The following TTN variants were observed in gnomAD, a reference collection of about 807,000 sequenced individuals.
The protein encoded by TTN is titin.
Under a neutral mutation model 3,223.0 loss-of-function variants are expected in TTN, and 1,525 were observed. That is an observed-to-expected ratio of 0.47 (90% CI 0.45 to 0.49). The LOEUF (loss-of-function observed/expected upper bound fraction) is 0.49, where lower values mean the gene tolerates loss of function less well. Ranked by LOEUF, TTN falls within the 20% of genes least tolerant of loss-of-function variation. The pLI is 0.00. For synonymous variants in TTN, 14,094 were observed against 15,161.0 expected, an observed-to-expected ratio of 0.93 and a Z score of 5.17; for missense variants, 40,786 against 43,424.0, an observed-to-expected ratio of 0.94 and a Z score of 5.40.
intron 278 of TTN, among the ~76,000 whole-genome samples, chr2:178,606,797 C>T (rs1232392203): frequency 6.6e-6 from 1 of 151,874 alleles, no homozygotes; most frequent in East Asian, 1.9e-4. Flanking sequence ...TTTTTCAGTA[C>T]AAGAAACCAT....
Position 178,563,952 on chromosome 2 carries a change from G to A in TTN, c.82180C>T (p.Pro27394Ser). ...ATATTAGCACCACCATCTTGCAAAG[G>A]TGGGTTCCATGCCAGGTAACATTTT... ...AEKCYLAWNP[P>S]LQDGGANISH... is the part of the protein sequence containing the mutation. Residue 27394 changes from proline (P) to serine (S), a missense_variant, in exon 326 of 363, where the codon CCT becomes TCT. Physicochemically the swap from Pro to Ser is moderately conservative, Grantham distance 74. Coordinates refer to ENST00000589042, the MANE Select transcript of TTN (RefSeq NM_001267550.2). This position sits in a 1 kb window ranked among gnomAD's most constrained non-coding sequence, Gnocchi z 4.5. 2 of 1,613,668 alleles carry A rather than the reference G, an allele frequency of 1.2e-6. No individual in the cohort carries two copies. Among genetic ancestry groups the A allele is most frequent in the African/African-American group, 1.3e-5 (1 of 75,000 alleles).
At position 178,795,760 on chromosome 2, in the gene TTN, T is replaced by C. The variant is rs1456455474; in HGVS notation, c.915-508A>G. ...CCCCTGCAGGACTTCCCACAGCCTT[T>C]ACTATGTCAGTATGCCTTGTGAATT... is the stretch of plus-strand genomic sequence containing the variant. On this transcript the variant is annotated intron_variant, in intron 6 of 362. Transcript: ENST00000589042. 2.6e-5 allele frequency among the ~76,000 whole-genome samples: 4 copies of C among 152,300 alleles called. No homozygotes were observed. In the East Asian group the frequency reaches 7.7e-4, roughly 29 times the overall value.
chr2:178,607,196 T>G lies in TTN; in HGVS notation c.53406A>C (p.Glu17802Asp). ...AAGTATGCATCTTGGCATCTTTTCT[T>G]TCAATGATAAAGCCTGTTATTTCAC... ...GGSEITGFII[E>D]RKDAKMHTWR... Residue 17802 changes from glutamate to aspartate, a missense_variant, in exon 278 of 363, where the codon GAA becomes GAC. Physicochemically the swap from Glu to Asp is conservative, Grantham distance 45 (BLOSUM62 2). Transcript: ENST00000589042. The G allele has an allele frequency of 6.2e-7, 1 of 1,613,036 alleles. No homozygotes were observed. Among genetic ancestry groups the G allele is most frequent in the African/African-American group, 1.3e-5 (1 of 74,976 alleles).
At position 178,568,073 on chromosome 2, in the gene TTN, C is replaced by T; in HGVS notation, c.78059G>A (p.Ser26020Asn). ...QWHEPVNNGGSPVIGYHLERK... is the reference protein window; with the variant it reads ...QWHEPVNNGGNPVIGYHLERK... ...CTCCAGGTGGTAACCTATGACGGGGCTTCCACCATTGTTGACTGGTTCATG... is the reference window on the plus strand; with the variant it reads ...CTCCAGGTGGTAACCTATGACGGGGTTTCCACCATTGTTGACTGGTTCATG... Residue 26020 changes from serine (S) to asparagine (N), a missense_variant, in exon 326 of 363, where the codon AGC (serine) becomes AAC (asparagine). By Grantham distance (46) the Ser-to-Asn change is conservative. Coordinates refer to ENST00000589042, the MANE Select transcript of TTN (RefSeq NM_001267550.2). 6.2e-7 allele frequency: 1 copy of T among 1,613,378 alleles called. No individual in the cohort carries two copies. The highest frequency in any genetic ancestry group is 8.5e-7 in the Non-Finnish European group (1 of 1,179,578).
In TTN at chr2:178,605,086, T is replaced by C. The variant is rs397517615; in HGVS notation, c.54091A>G (p.Ser18031Gly). 13 of 1,612,744 alleles carry C rather than the reference T, an allele frequency of 8.1e-6. No homozygotes were observed. In the Admixed American group the frequency reaches 1.0e-4, roughly 12 times the overall value. The stretch of plus-strand genomic sequence containing the variant: ...TCCTCCCGGACCGCTTTGGGAATGC[T>C]AAGCTCAGTTTTTGCCTCACTTCGG... ...VSRSEAKTEL[S>G]IPKAVREDKG... The change falls in exon 280 of 363, where the codon AGC (serine) becomes GGC (glycine). Residue 18031 changes from serine (S) to glycine (G), a missense_variant. Ser to Gly is a moderately conservative substitution (Grantham distance 56). Transcript: ENST00000589042.
rs770208807 is a variant in TTN at position 178,784,093 on chromosome 2, C to T, written c.2752G>A (p.Val918Ile). The part of the protein sequence containing the change: ...GTTVREERFE[V>I]LHGREAKVTE... ...ACCTTGGCTTCGCGTCCGTGCAGTA[C>T]TTCAAAGCGCTCTTCACGGACGGTG... Residue 918 changes from valine (V) to isoleucine (I), a missense_variant, in exon 16 of 363, where the codon GTA (valine) becomes ATA (isoleucine). Transcript: ENST00000589042. The T allele has an allele frequency of 6.2e-7, 1 of 1,613,652 alleles. No homozygotes were observed. Among genetic ancestry groups the T allele is most frequent in the Non-Finnish European group, 8.5e-7 (1 of 1,179,994 alleles).
chr2:178,758,752 A>G, intron 44 of TTN: 1 of 562,904 alleles, frequency 1.8e-6, no homozygotes. Flanking sequence ...AATACATTAC[A>G]AATTGTTACA....
rs1457184697 is a variant in TTN, at chr2:178,536,615, A to G, written c.100172-40T>C. 6 of 1,446,726 alleles carry G rather than the reference A, an allele frequency of 4.1e-6. No individual in the cohort carries two copies. The African/African-American group carries it at 8.5e-5, about 21-fold the overall frequency. The allele number at this position is 1,446,726 out of a possible 1,614,324, so 89.6% of individuals were successfully genotyped here. ...AAAGATTTGAGTCATGAGATGAAAC[A>G]GGCAGCTTTATTAAAGCTTATTTTT... On this transcript the variant is annotated intron_variant, in intron 356 of 362. Transcript: ENST00000589042.
chr2:178,716,492 TAG>T (rs1276052135), intron 88 of TTN, among the ~76,000 whole-genome samples: 2 of 152,162 alleles, frequency 1.3e-5, no homozygotes, highest in African/African-American at 4.8e-5. Flanking sequence ...TGGACTAGAC[TAG>T]CAGTCCATTG....
At position 178,771,609 on chromosome 2, in the gene TTN, C is replaced by T. The variant is rs944316211; in HGVS notation, c.7856-138G>A. 2.3e-6 allele frequency: 3 copies of T among 1,283,662 alleles called. No homozygotes were observed. In the African/African-American group the frequency reaches 4.4e-5, roughly 19 times the overall value. 79.5% of individuals were successfully genotyped at this position (1,283,662 alleles called of 1,614,324 possible). On this transcript the variant is annotated intron_variant, in intron 33 of 362. Transcript: ENST00000589042. ...TGAAATGTCTATGATTGTTTTTACCCATATTGAGAAGGTACCAAAGAAATC... is the reference window on the plus strand; with the variant it reads ...TGAAATGTCTATGATTGTTTTTACCTATATTGAGAAGGTACCAAAGAAATC...
Position 178,536,416 on chromosome 2 carries a change from G to A in TTN, c.100331C>T (p.Thr33444Ile). 6.2e-7 allele frequency: 1 copy of A among 1,613,494 alleles called. No individual in the cohort carries two copies. The highest frequency in any genetic ancestry group is 1.7e-5 in the Admixed American group (1 of 59,992). The change falls in exon 357 of 363, where the codon ACA becomes ATA. Residue 33444 changes from threonine to isoleucine, a missense_variant. By Grantham distance (89) the Thr-to-Ile change is moderately conservative (BLOSUM62 -1). Coordinates refer to ENST00000589042, the MANE Select transcript of TTN (RefSeq NM_001267550.2). ...KKQNKWISVT[T>I]EEIRETVFSV... ...AAAGACAGTTTCTCGAATTTCTTCT[G>A]TTGTCACAGAAATCCATTTATTCTG...
intron 321 of TTN, 43 bp from the exon 322 acceptor site, chr2:178,578,228 A>T (rs1243703888): frequency 2.6e-6 from 4 of 1,540,206 alleles, no homozygotes; most frequent in Non-Finnish European, 2.6e-6. Context: ...ATGCAGCTTG[A>T]TTTTACAATA....
Position 178,714,302 on chromosome 2 carries a change from T to C in TTN, c.26472A>G (p.Leu8824=), listed in dbSNP as rs542575360. Residue 8824 remains leucine, a synonymous_variant, in exon 91 of 363, where the codon CTA becomes CTG. Transcript: ENST00000589042. The stretch of plus-strand genomic sequence containing the variant: ...CATCTTTTTACTAACCGAGAACGGA[T>C]AGCGTGGCGAAGCACTCTTGCATCC... The part of the protein sequence containing the change: ...DAGMQECFAT[L]SVLEPATIVE... 26 of 1,612,242 alleles carry C rather than the reference T, an allele frequency of 1.6e-5. No individual in the cohort carries two copies. In the East Asian group the frequency reaches 2.9e-4, roughly 18 times the overall value.
At chr2:178,555,657 A>G (rs576203291) in intron 330 of TTN, 1 of 156,556 alleles carries the variant, frequency 6.4e-6, no homozygotes, top group African/African-American at 2.4e-5. Flanking sequence ...TTATCAAGAA[A>G]GATAACTAAA....
chr2:178,698,332 A>G (rs2074099969), intron 112 of TTN, among the ~76,000 whole-genome samples: 2 of 152,190 alleles, frequency 1.3e-5, no homozygotes, highest in African/African-American at 4.8e-5. Context: ...GAATATAGTT[A>G]ATAATAGTGT....
chr2:178,613,463 C>T (rs893530431), intron 263 of TTN, among the ~76,000 whole-genome samples, 187 bp from the exon 264 acceptor site: 2 of 151,944 alleles, frequency 1.3e-5, no homozygotes, highest in Non-Finnish European at 2.9e-5. Flanking sequence ...CTGGGCCAAA[C>T]ATACCAATCT....
Position 178,653,132 on chromosome 2 carries a change from G to T in TTN, c.38792-8C>A. ...CTTTGGGAGCCTCTGGCACTTAAAA[G>T]ATATTAGGTAAAATTACATTTAGGG... On this transcript the variant is annotated splice_polypyrimidine_tract_variant and splice_region_variant and intron_variant, in intron 198 of 362. Transcript: ENST00000589042. 1.9e-6 allele frequency: 3 copies of T among 1,612,390 alleles called. No individual in the cohort carries two copies. Among genetic ancestry groups the T allele is most frequent in the South Asian group, 1.1e-5 (1 of 90,892 alleles).
At chr2:178,672,515 C>T (rs369347982) in intron 153 of TTN, 34 bp from the exon 154 acceptor site, 90 of 1,601,686 alleles carry the variant, frequency 5.6e-5, no homozygotes, top group Middle Eastern at 1.7e-4. Context: ...TTAGGACTGT[C>T]GAGAGCAAGC....
Position 178,624,544 on chromosome 2 carries a change from A to C in TTN, c.44736T>G (p.His14912Gln). 2 of 1,612,830 alleles carry C rather than the reference A, an allele frequency of 1.2e-6. No individual in the cohort carries two copies. Among genetic ancestry groups the C allele is most frequent in the Non-Finnish European group, 1.7e-6 (2 of 1,179,228 alleles). Residue 14912 changes from histidine (H) to glutamine (Q), a missense_variant, in exon 242 of 363, where the codon CAT becomes CAG. Coordinates refer to ENST00000589042, the MANE Select transcript of TTN (RefSeq NM_001267550.2). Reference sequence around the variant, plus strand: ...TTTTAATATCCTCTGGGGTACAGTCATGTATAACAAGTTTTCTGACCCTGC... The same window carrying C: ...TTTTAATATCCTCTGGGGTACAGTCCTGTATAACAAGTTTTCTGACCCTGC... Reference protein sequence around the residue: ...ADGRVRKLVIHDCTPEDIKTY... With the variant: ...ADGRVRKLVIQDCTPEDIKTY...
Sources: gnomAD v4.1 joint callset for allele counts (sites outside exome capture counted in the v4.1 genomes callset) on GRCh38, gnomAD v4.1.1 for gene constraint, Gnocchi (gnomAD v3.1) non-coding constraint, MANE v1.5 for transcripts, NCBI Gene and HGNC (gene_info 2026-07-23, HGNC 2026-07-21) for gene names.